Variants in COL9A1 observed in about 807,000 individuals in gnomAD.
The protein encoded by COL9A1 is collagen type IX alpha 1 chain.
Under a neutral mutation model 142.6 loss-of-function variants are expected in COL9A1, and 104 were observed. That is an observed-to-expected ratio of 0.73 (90% CI 0.62 to 0.86). The LOEUF is 0.86. Among genes scored for constraint, COL9A1 ranks in the 40% least tolerant of loss-of-function variants. The probability of loss-of-function intolerance (pLI) is 0.00; values close to 1 mark genes in which losing one functional copy is unlikely to be tolerated. For missense variants in COL9A1, 1,210 were observed against 1,176.6 expected, an observed-to-expected ratio of 1.03 and a Z score of -0.42; for synonymous variants, 466 against 396.0, an observed-to-expected ratio of 1.18 and a Z score of -2.10.
rs1318877136 is a variant in COL9A1, at chr6:70,255,201, C to T, written c.1560G>A (p.Gly520=). 4 of 1,614,098 alleles carry T rather than the reference C, an allele frequency of 2.5e-6. No individual in the cohort carries two copies. Among genetic ancestry groups the T allele is most frequent in the South Asian group, 1.1e-5 (1 of 91,078 alleles). The change falls in exon 23 of 38, where the codon GGG becomes GGA. Residue 520 remains glycine, a splice_region_variant and synonymous_variant. Coordinates refer to ENST00000357250, the MANE Select transcript of COL9A1 (RefSeq NM_001851.6). ...PGEAGPKGDR[G]AEGARGIPGL... is the part of the protein sequence containing the mutation. The stretch of plus-strand genomic sequence containing the variant: ...CAGGAATTCCTCTAGCACCTTCAGC[C>T]CCCTGCAGGGAGGAAGAGAAAGAAT...
Position 70,236,413 on chromosome 6 carries a change from T to C in COL9A1, c.2113-1473A>G, listed in dbSNP as rs149189932. 1.8e-3 allele frequency among the ~76,000 whole-genome samples: 273 copies of C among 152,330 alleles called. 1 individual carries two copies. Among genetic ancestry groups the C allele is most frequent in the African/African-American group, 5.7e-3 (237 of 41,574 alleles). On this transcript the variant is annotated intron_variant, in intron 33 of 37. Coordinates refer to ENST00000357250, the MANE Select transcript of COL9A1 (RefSeq NM_001851.6). The stretch of plus-strand genomic sequence containing the variant: ...TTGTGGCAGAATAGCTCCAATGTAC[T>C]GCTGCTGTTCAGAATAAGAATGAGA...
intron 33 of COL9A1, 138 bp downstream of exon 33, chr6:70,239,116 G>T: frequency 3.2e-6 from 2 of 627,672 alleles, no homozygotes; most frequent in Non-Finnish European, 5.5e-6. Context: ...TCACGCCTGG[G>T]CGACAGAGTG....
intron 20 of COL9A1, chr6:70,258,661 T>A (rs941286320): frequency 2.0e-5 from 3 of 152,166 alleles, no homozygotes; most frequent in Non-Finnish European, 2.9e-5. Flanking sequence ...ATGCACTCTC[T>A]CTCTCTCTCT....
chr6:70,281,249 T>C, intron 8 of COL9A1, 141 bp downstream of exon 8: 1 of 881,734 alleles, frequency 1.1e-6, no homozygotes, highest in Non-Finnish European at 1.7e-6. Flanking sequence ...CGCCCATGTC[T>C]GATCCTGCCT....
chr6:70,256,719 A>C (rs529947631), intron 21 of COL9A1, 49 bp downstream of exon 21: 1 of 428,730 alleles, frequency 2.3e-6, no homozygotes, highest in Non-Finnish European at 3.2e-6. Flanking sequence ...CATACATAGC[A>C]AAAAAAAAAA....
intron 19 of COL9A1, 119 bp from the exon 20 acceptor site, chr6:70,260,829 A>G: frequency 1.2e-6 from 1 of 835,174 alleles, no homozygotes; most frequent in Non-Finnish European, 2.0e-6. Context: ...ATACCAAGAA[A>G]TAGTAACTAT....
chr6:70,234,460 C>A, intron 35 of COL9A1, 79 bp downstream of exon 35: 1 of 1,422,422 alleles, frequency 7.0e-7, no homozygotes, highest in East Asian at 2.3e-5. Flanking sequence ...TCTTGTTTAC[C>A]CTTGTGTATC....
intron 20 of COL9A1, among the ~76,000 whole-genome samples, chr6:70,260,277 C>T (rs150181808): frequency 0.035 from 5,290 of 152,212 alleles, 141 homozygotes; most frequent in Middle Eastern, 0.082. Flanking sequence ...CGCGGTGGCT[C>T]ACACCTGTAA....
chr6:70,283,822 T>C lies in COL9A1; in HGVS notation c.697-2A>G. ...GATCAGCATCCATTGAAGTTCAAACTGGAGAAAGGTAGTAGACAGTCAGGT... is the reference window on the plus strand; with the variant it reads ...GATCAGCATCCATTGAAGTTCAAACCGGAGAAAGGTAGTAGACAGTCAGGT... On this transcript the variant is annotated splice_acceptor_variant, in intron 5 of 37. Coordinates refer to ENST00000357250, the MANE Select transcript of COL9A1 (RefSeq NM_001851.6). LOFTEE classifies it high-confidence loss of function. 2 of 1,602,068 alleles carry C rather than the reference T, an allele frequency of 1.2e-6. No homozygotes were observed. The highest frequency in any genetic ancestry group is 2.2e-5 in the East Asian group (1 of 44,706).
chr6:70,255,249 AT>A (rs766136877), intron 22 of COL9A1, 46 bp from the exon 23 acceptor site: 1 of 1,612,434 alleles, frequency 6.2e-7, no homozygotes, highest in South Asian at 1.1e-5. Flanking sequence ...TTCAGTTAAC[AT>A]AATACTTAGA....
At chr6:70,275,683 T>G (rs1772713066) in intron 10 of COL9A1, among the ~76,000 whole-genome samples, 1 of 152,138 alleles carries the variant, frequency 6.6e-6, no homozygotes, top group South Asian at 2.1e-4. Flanking sequence ...TCTTTGCTCT[T>G]TGACACTTTC....
intron 37 of COL9A1, among the ~76,000 whole-genome samples, chr6:70,222,047 C>T (rs1274015704): frequency 1.3e-5 from 2 of 152,166 alleles, no homozygotes; most frequent in Middle Eastern, 3.2e-3. Flanking sequence ...ATTAGACAGC[C>T]AGCCAATCAT....
chr6:70,215,767 C>G (rs928482054), downstream of COL9A1: 1 of 152,028 alleles, frequency 6.6e-6, no homozygotes, highest in African/African-American at 2.4e-5. Flanking sequence ...GGTTCTTAAC[C>G]TAGAAATAAA....
chr6:70,274,762 C>T lies in COL9A1; in HGVS notation c.986G>A (p.Gly329Glu). 1 of 1,612,396 alleles carries T rather than the reference C, an allele frequency of 6.2e-7. No individual in the cohort carries two copies. The highest frequency in any genetic ancestry group is 8.5e-7 in the Non-Finnish European group (1 of 1,178,642). Residue 329 changes from glycine to glutamate, a missense_variant, in exon 11 of 38, where the codon GGA (glycine) becomes GAA (glutamate). Physicochemically the swap from Gly to Glu is moderately conservative, Grantham distance 98. Transcript: ENST00000357250. ...AATGGAGCCAGGGGATCCATCAGGT[C>T]CTGTTAATCCCTAATAGAGCAAGAC... ...PGTPGADGLTGPDGSPGSIGS... is the reference protein window; with the variant it reads ...PGTPGADGLTEPDGSPGSIGS...
At chr6:70,301,310 T>C (rs2127609045) in intron 2 of COL9A1, among the ~76,000 whole-genome samples, 1 of 152,344 alleles carries the variant, frequency 6.6e-6, no homozygotes, top group African/African-American at 2.4e-5. Context: ...GCGCTGTGGC[T>C]CACGCCTGTA....
intron 33 of COL9A1, among the ~76,000 whole-genome samples, chr6:70,238,625 C>T (rs746661086): frequency 5.3e-5 from 8 of 152,116 alleles, no homozygotes; most frequent in Non-Finnish European, 1.0e-4. Flanking sequence ...AAACACAAGT[C>T]AGTTCTTTAA....
intron 10 of COL9A1, among the ~76,000 whole-genome samples, chr6:70,278,246 C>T (rs1772895691): frequency 2.0e-5 from 3 of 152,128 alleles, no homozygotes; most frequent in South Asian, 4.1e-4. Context: ...TCTCTGTTCT[C>T]GCTATTCTCT....
intron 4 of COL9A1, among the ~76,000 whole-genome samples, chr6:70,294,994 A>G (rs1202884089): frequency 6.6e-6 from 1 of 152,204 alleles, no homozygotes. Flanking sequence ...AAACAATTTA[A>G]TTAAAGCAGC....
rs780198895 is a variant in COL9A1 at position 70,241,922 on chromosome 6, C to T, written c.1998+42G>A. 1.2e-5 allele frequency: 18 copies of T among 1,513,374 alleles called. 1 individual carries two copies. In the South Asian group the frequency reaches 1.9e-4, roughly 16 times the overall value. The allele number at this position is 1,513,374 out of a possible 1,614,324, so 93.7% of individuals were successfully genotyped here. A position where few individuals can be genotyped will look rare whatever the true frequency, so the allele number is the denominator to read the frequency against. The stretch of plus-strand genomic sequence containing the variant: ...TTGTTTCTCAACATGGTAGAAATCA[C>T]CCTTCCAAATAAAGAACCTTCTGGA... On this transcript the variant is annotated intron_variant, in intron 30 of 37. Transcript: ENST00000357250.
Sources: allele counts gnomAD v4.1 joint callset (sites outside exome capture counted in the v4.1 genomes callset), GRCh38; gene constraint gnomAD v4.1.1; transcripts MANE v1.5; gene names NCBI Gene and HGNC (gene_info 2026-07-23, HGNC 2026-07-21).